The following SEMA3D variants were observed in gnomAD, a reference collection of about 807,000 sequenced individuals.
SEMA3D encodes the protein semaphorin 3D.
In SEMA3D, 84 loss-of-function variants were observed where a neutral mutation model predicts 100.1. The ratio of observed to expected loss-of-function variants is 0.84; its 90% CI spans 0.70 to 1.01. The LOEUF (loss-of-function observed/expected upper bound fraction) is 1.01. Ranked by LOEUF, SEMA3D falls within the 50% of genes least tolerant of loss-of-function variation. The pLI is 0.00. For missense variants in SEMA3D, 875 were observed against 934.1 expected, an observed-to-expected ratio of 0.94 and a Z score of 0.82; for synonymous variants, 312 against 320.7, an observed-to-expected ratio of 0.97 and a Z score of 0.29.
chr7:85,121,642 A>T, intron 3 of SEMA3D, 99 bp downstream of exon 3: 1 of 644,218 alleles, frequency 1.6e-6, no homozygotes, highest in Non-Finnish European at 2.6e-6. Context: ...AAAACATTTC[A>T]CAGAAGTCAA....
At chr7:85,246,698 C>T in the SEMA3D span, among the ~76,000 whole-genome samples, 2 of 151,592 alleles carry the variant, frequency 1.3e-5, no homozygotes. Context: ...CTGAAAAAAA[C>T]CTGATAATAT....
At chr7:85,181,611 C>T (rs1183644399) in intron 1 of SEMA3D, 1 of 157,442 alleles carries the variant, frequency 6.4e-6, no homozygotes, top group African/African-American at 2.4e-5. Context: ...AGCTATTCTG[C>T]CCACAAGGAA....
chr7:85,241,055 A>G, the SEMA3D span, among the ~76,000 whole-genome samples: 1 of 152,136 alleles, frequency 6.6e-6, no homozygotes, highest in Non-Finnish European at 1.5e-5. Flanking sequence ...GCCAACAGAC[A>G]TATGAAAAAA....
intron 2 of SEMA3D, chr7:85,142,520 T>C: frequency 1.0e-6 from 1 of 983,860 alleles, no homozygotes; most frequent in Non-Finnish European, 1.2e-6. Context: ...TCATTCTCCA[T>C]GGTAATATGG....
At chr7:85,124,968 C>A (rs1789523650) in intron 2 of SEMA3D, among the ~76,000 whole-genome samples, 1 of 152,088 alleles carries the variant, frequency 6.6e-6, no homozygotes, top group East Asian at 1.9e-4. Context: ...CCTGTTCCTT[C>A]CATTATTTCT....
At chr7:85,040,648 A>G in intron 11 of SEMA3D, 25 bp downstream of exon 11, 1 of 1,175,866 alleles carries the variant, frequency 8.5e-7, no homozygotes, top group South Asian at 1.3e-5. Flanking sequence ...TCTCTGAAGC[A>G]TTAAAAGCAT....
At chr7:85,088,065 A>G (rs181785258) in intron 4 of SEMA3D, among the ~76,000 whole-genome samples, 7 of 152,316 alleles carry the variant, frequency 4.6e-5, no homozygotes, top group East Asian at 1.9e-4. Flanking sequence ...CCAAAATCCA[A>G]AACAACTTTT....
the SEMA3D span, among the ~76,000 whole-genome samples, chr7:85,206,024 G>A: frequency 6.6e-6 from 1 of 152,056 alleles, no homozygotes; most frequent in Non-Finnish European, 1.5e-5. Flanking sequence ...CTGGTAGCTA[G>A]GTCTCTTTAG....
chr7:85,015,249 C>T, intron 15 of SEMA3D, 33 bp from the exon 16 acceptor site: 1 of 1,593,006 alleles, frequency 6.3e-7, no homozygotes, highest in East Asian at 2.3e-5. Context: ...GAATTAGAAG[C>T]ATCTTTCAGA....
chr7:85,173,062 G>C (rs1185080311), intron 1 of SEMA3D, among the ~76,000 whole-genome samples: 1 of 152,044 alleles, frequency 6.6e-6, no homozygotes, highest in East Asian at 1.9e-4. Context: ...AAGGAGATGG[G>C]AATGAGAGCA....
At chr7:85,076,883 C>A (rs1791939873) in intron 5 of SEMA3D, among the ~76,000 whole-genome samples, 2 of 152,030 alleles carry the variant, frequency 1.3e-5, no homozygotes, top group Admixed American at 6.5e-5. Flanking sequence ...ATCATGAGGT[C>A]AGGATTTCAA....
chr7:85,231,481 T>A, the SEMA3D span, among the ~76,000 whole-genome samples: 1 of 105,562 alleles, frequency 9.5e-6, no homozygotes, highest in Non-Finnish European at 1.7e-5. Context: ...GGAGTCTCGC[T>A]CTGTCACCCA....
intron 2 of SEMA3D, among the ~76,000 whole-genome samples, chr7:85,137,509 G>A (rs929600534): frequency 6.6e-6 from 1 of 151,876 alleles, no homozygotes; most frequent in African/African-American, 2.4e-5. Context: ...TAATGTACAC[G>A]CTATTTTTTA....
intron 2 of SEMA3D, chr7:85,151,887 A>G (rs1790435720): frequency 4.9e-6 from 1 of 204,888 alleles, no homozygotes. Flanking sequence ...AAGTCCACAA[A>G]ACTTTTTTGC....
chr7:85,133,982 A>T (rs917924826), intron 2 of SEMA3D, among the ~76,000 whole-genome samples: 3 of 151,960 alleles, frequency 2.0e-5, no homozygotes, highest in Admixed American at 1.3e-4. Context: ...TTCTCCTATC[A>T]TATTTACAAA....
chr7:85,121,655 T>C (rs545705157), intron 3 of SEMA3D, 86 bp downstream of exon 3: 7 of 726,746 alleles, frequency 9.6e-6, no homozygotes, highest in African/African-American at 1.9e-5. Context: ...GAAGTCAATA[T>C]GCTTTTCTAA....
chr7:85,013,057 T>A (rs1456428704), intron 16 of SEMA3D, among the ~76,000 whole-genome samples: 1 of 151,772 alleles, frequency 6.6e-6, no homozygotes, highest in Non-Finnish European at 1.5e-5. Flanking sequence ...TTTCAGACAA[T>A]GAGATGACAT....
intron 9 of SEMA3D, among the ~76,000 whole-genome samples, chr7:85,051,080 A>T (rs1175273768): frequency 6.6e-6 from 1 of 151,882 alleles, no homozygotes; most frequent in Non-Finnish European, 1.5e-5. Context: ...TAGATATCTA[A>T]GTTACCCTTG....
chr7:85,037,155 AC>A, intron 11 of SEMA3D, 122 bp from the exon 12 acceptor site: 2 of 820,420 alleles, frequency 2.4e-6, no homozygotes, highest in Non-Finnish European at 3.7e-6. Context: ...TTTGATGGGT[AC>A]TGTAGACACA....
Sources: gnomAD v4.1 joint callset for allele counts (sites outside exome capture counted in the v4.1 genomes callset) on GRCh38, gnomAD v4.1.1 for gene constraint, MANE v1.5 for transcripts, NCBI Gene and HGNC (gene_info 2026-07-23, HGNC 2026-07-21) for gene names.